The following ADGRL3 variants were observed in gnomAD, a reference collection of about 807,000 sequenced individuals.
ADGRL3 encodes adhesion G protein-coupled receptor L3.
ADGRL3 carries 62 observed loss-of-function variants against 153.5 expected under a neutral mutation model. That is an observed-to-expected ratio of 0.40 (90% confidence interval 0.33 to 0.50). The LOEUF (loss-of-function observed/expected upper bound fraction) is 0.50. Ranked by LOEUF, ADGRL3 falls within the 20% of genes least tolerant of loss-of-function variation. ADGRL3 has a pLI of 0.47. For synonymous variants in ADGRL3, 710 were observed against 672.5 expected, an observed-to-expected ratio of 1.06 and a Z score of -0.86; for missense variants, 1,641 against 1,859.4, an observed-to-expected ratio of 0.88 and a Z score of 2.16.
At position 61,472,794 on chromosome 4, in the gene ADGRL3, C is replaced by T. The variant is rs187238053; in HGVS notation, c.-173-24327C>T. Among the ~76,000 whole-genome samples, 409 of 152,132 alleles carry T rather than the reference C, an allele frequency of 2.7e-3. 3 individuals carry two copies. Among genetic ancestry groups the T allele is most frequent in the Non-Finnish European group, 4.0e-3 (270 of 67,974 alleles). On this transcript the variant is annotated intron_variant, in intron 2 of 26. Coordinates refer to ENST00000683033, the MANE Select transcript of ADGRL3 (RefSeq NM_001387552.1). ...TGGCCCTGACTTTTAATCATAACTC[C>T]ATGATTAACTCAAGATGTGACCCTG...
intron 4 of ADGRL3, chr4:61,579,596 G>A: frequency 1.9e-6 from 1 of 515,148 alleles, no homozygotes. Flanking sequence ...CAAAAAGGAT[G>A]AGGTTCATGA....
intron 8 of ADGRL3, among the ~76,000 whole-genome samples, chr4:61,758,775 T>A (rs372848402): frequency 6.6e-6 from 1 of 152,188 alleles, no homozygotes; most frequent in African/African-American, 2.4e-5. Context: ...TTCCTAGTCT[T>A]GATGGTCTTT....
At chr4:61,847,474 C>A (rs2098130611) in intron 9 of ADGRL3, among the ~76,000 whole-genome samples, 2 of 147,050 alleles carry the variant, frequency 1.4e-5, no homozygotes, top group South Asian at 2.1e-4. Flanking sequence ...TATGTGTGTA[C>A]TACATGAAGG....
chr4:61,981,588 A>G (rs1474580733), intron 18 of ADGRL3, among the ~76,000 whole-genome samples: 1 of 152,190 alleles, frequency 6.6e-6, no homozygotes, highest in Non-Finnish European at 1.5e-5. Context: ...ACCAAACAGA[A>G]AATATAAATA....
At chr4:62,018,605 GAGA>G (rs1013043464) in intron 21 of ADGRL3, among the ~76,000 whole-genome samples, 23 of 152,224 alleles carry the variant, frequency 1.5e-4, no homozygotes, top group Middle Eastern at 3.4e-3. Flanking sequence ...GAGAGAGAGA[GAGA>G]AGAACAATAT....
chr4:61,216,659 C>G (rs1251503074), intron 1 of ADGRL3, among the ~76,000 whole-genome samples: 3 of 151,944 alleles, frequency 2.0e-5, no homozygotes, highest in African/African-American at 7.3e-5. Flanking sequence ...AGAAAAGTAC[C>G]AATTGCAGTA....
At chr4:61,661,167 C>A (rs565586294) in intron 5 of ADGRL3, among the ~76,000 whole-genome samples, 119 of 152,100 alleles carry the variant, frequency 7.8e-4, no homozygotes, top group African/African-American at 2.8e-3. Flanking sequence ...AGTTTATTCA[C>A]TAATGTTATC....
intron 2 of ADGRL3, among the ~76,000 whole-genome samples, chr4:61,467,415 T>C (rs1051581549): frequency 2.0e-5 from 3 of 151,966 alleles, no homozygotes; most frequent in East Asian, 1.9e-4. Context: ...TCTAGAAATA[T>C]ATGTTGAATG....
intron 1 of ADGRL3, among the ~76,000 whole-genome samples, chr4:61,337,964 A>G (rs1316883919): frequency 6.6e-6 from 1 of 152,148 alleles, no homozygotes; most frequent in East Asian, 1.9e-4. Context: ...AGTAGTACTT[A>G]GAAGACTGCC....
At position 61,201,012 on chromosome 4, in the gene ADGRL3, C is replaced by A. The variant is rs576864917; in HGVS notation, c.-993C>A. Among the ~76,000 whole-genome samples the A allele has an allele frequency of 2.0e-5, 3 of 152,226 alleles. No individual in the cohort carries two copies. Among genetic ancestry groups the A allele is most frequent in the Admixed American group, 1.3e-4 (2 of 15,296 alleles). On this transcript the variant is annotated 5_prime_UTR_variant, in exon 1 of 27. An upstream open reading frame in the 5' UTR gains an earlier in-frame stop. Coordinates refer to ENST00000683033, the MANE Select transcript of ADGRL3 (RefSeq NM_001387552.1). ...TCGCTCCGGCTGTCCGCGGAGGTTG[C>A]GGGCTTGAGAGGGGACCCTCGGCTG...
intron 21 of ADGRL3, among the ~76,000 whole-genome samples, chr4:62,026,993 A>G (rs1241015144): frequency 1.3e-5 from 2 of 152,060 alleles, no homozygotes; most frequent in Non-Finnish European, 2.9e-5. Flanking sequence ...GCATTTTTGC[A>G]TGGATGCCTA....
intron 13 of ADGRL3, among the ~76,000 whole-genome samples, chr4:61,921,775 T>G (rs891350060): frequency 6.6e-6 from 1 of 152,216 alleles, no homozygotes; most frequent in African/African-American, 2.4e-5. Flanking sequence ...TACTGTTTCT[T>G]TATAAATCTT....
intron 2 of ADGRL3, among the ~76,000 whole-genome samples, chr4:61,398,705 TTCTC>T (rs139429232): frequency 6.7e-6 from 1 of 149,814 alleles, no homozygotes; most frequent in Non-Finnish European, 1.5e-5. Context: ...ACTCTCTCTC[TTCTC>T]TCTCTCTCTC....
At chr4:61,385,103 C>G (rs181917963) in intron 2 of ADGRL3, among the ~76,000 whole-genome samples, 29 of 152,148 alleles carry the variant, frequency 1.9e-4, no homozygotes, top group African/African-American at 6.7e-4. Context: ...ACAAACCTGC[C>G]AAACATTTAA....
At chr4:61,242,621 AC>A (rs1755463184) in intron 1 of ADGRL3, among the ~76,000 whole-genome samples, 1 of 152,014 alleles carries the variant, frequency 6.6e-6, no homozygotes, top group South Asian at 2.1e-4. Flanking sequence ...TTCCAATGAA[AC>A]AGTTACATGC....
chr4:61,919,093 T>G (rs1325787034), intron 13 of ADGRL3, among the ~76,000 whole-genome samples: 1 of 152,204 alleles, frequency 6.6e-6, no homozygotes, highest in Non-Finnish European at 1.5e-5. Context: ...GTTGCTTGAC[T>G]TGTGATACTA....
chr4:61,816,578 A>C (rs530812981), intron 9 of ADGRL3, among the ~76,000 whole-genome samples: 1 of 152,370 alleles, frequency 6.6e-6, no homozygotes, highest in South Asian at 2.1e-4. Context: ...TTTATAAACT[A>C]CCATAGGTAG....
chr4:61,693,961 T>C (rs780970173), intron 6 of ADGRL3, among the ~76,000 whole-genome samples: 23 of 152,112 alleles, frequency 1.5e-4, no homozygotes, highest in African/African-American at 5.1e-4. Flanking sequence ...GGATCTTAAG[T>C]ATGACATTCA....
rs1424330425 is a variant in ADGRL3 at position 62,015,497 on chromosome 4, A to G, written c.3396-13358A>G. Among the ~76,000 whole-genome samples, 5 of 152,326 alleles carry G rather than the reference A, an allele frequency of 3.3e-5. No homozygotes were observed. In the East Asian group the frequency reaches 7.7e-4, roughly 24 times the overall value. On this transcript the variant is annotated intron_variant, in intron 21 of 26. Transcript: ENST00000683033. The stretch of plus-strand genomic sequence containing the variant: ...TTGACAATATTAGATAATATATTAT[A>G]CATACCAAGATATGACTCAAAAGGT...
Sources: gnomAD v4.1 joint callset for allele counts (sites outside exome capture counted in the v4.1 genomes callset) on GRCh38, gnomAD v4.1.1 for gene constraint, MANE v1.5 for transcripts, NCBI Gene and HGNC (gene_info 2026-07-23, HGNC 2026-07-21) for gene names.